The following PRKX variants were observed in gnomAD, a reference collection of about 807,000 sequenced individuals.
PRKX encodes protein kinase cAMP-dependent X-linked catalytic subunit.
A neutral mutation model predicts 22.0 loss-of-function variants in PRKX; 12 were observed. The ratio of observed to expected loss-of-function variants is 0.54; its 90% CI spans 0.35 to 0.88. The LOEUF (loss-of-function observed/expected upper bound fraction) is 0.88. Ranked by LOEUF, PRKX falls within the 40% of genes least tolerant of loss-of-function variation. The pLI is 0.01. For synonymous variants in PRKX, 134 were observed against 137.7 expected (o/e 0.97, Z 0.19); for missense variants, 217 against 308.0 (o/e 0.70, Z 2.21).
intron 6 of PRKX, among the ~76,000 whole-genome samples, chrX:3,620,536 C>T (rs12394149): frequency 0.051 from 5,714 of 112,136 alleles, 106 homozygotes; most frequent in South Asian, 0.07. Flanking sequence ...CGAAGCTTCA[C>T]CTGTACTGAC....
chrX:3,700,715 A>G (rs1465939132), intron 1 of PRKX, among the ~76,000 whole-genome samples: 2 of 109,037 alleles, frequency 1.8e-5, no homozygotes, highest in African/African-American at 3.4e-5. Flanking sequence ...AGTTGCTGGG[A>G]CTACAGGCAC....
intron 3 of PRKX, among the ~76,000 whole-genome samples, chrX:3,654,809 T>C (rs1170987035): frequency 1.8e-5 from 2 of 110,745 alleles, no homozygotes; most frequent in Non-Finnish European, 1.9e-5. Flanking sequence ...TTGTATCCTA[T>C]TCGATGCAGA....
intron 2 of PRKX, among the ~76,000 whole-genome samples, chrX:3,662,348 C>A: frequency 1.8e-5 from 2 of 110,841 alleles, no homozygotes; most frequent in Middle Eastern, 9.3e-3. Context: ...TCGCTTGAGC[C>A]CAGGAGCTCA....
intron 3 of PRKX, among the ~76,000 whole-genome samples, chrX:3,649,903 G>T (rs202069736): frequency 9.2e-6 from 1 of 108,877 alleles, no homozygotes; most frequent in East Asian, 2.9e-4. Flanking sequence ...ACTTTGGGGG[G>T]CCAAGGTTGG....
chrX:3,689,266 A>G (rs1432134594), intron 1 of PRKX, among the ~76,000 whole-genome samples: 1 of 113,054 alleles, frequency 8.8e-6, no homozygotes, highest in Non-Finnish European at 1.9e-5. Context: ...CATGGAGGAA[A>G]TAAGTGTGTG....
chrX:3,639,541 T>A (rs868279877), intron 4 of PRKX, among the ~76,000 whole-genome samples: 1 of 4,509 alleles, frequency 2.2e-4, no homozygotes, highest in Non-Finnish European at 4.0e-4. Context: ...GATGACGGGG[T>A]GGGTGGGTGG....
intron 1 of PRKX, among the ~76,000 whole-genome samples, chrX:3,691,076 C>T (rs1332189595): frequency 3.6e-5 from 4 of 111,682 alleles, no homozygotes; most frequent in Non-Finnish European, 7.5e-5. Flanking sequence ...TTAAGGTGAT[C>T]ACCAGCTCAG....
intron 1 of PRKX, among the ~76,000 whole-genome samples, chrX:3,687,847 T>C (rs996098807): frequency 8.9e-6 from 1 of 111,749 alleles, no homozygotes; most frequent in African/African-American, 3.3e-5. Flanking sequence ...GTGGCTCCGC[T>C]GAGACACCAA....
rs149938719 is a variant in PRKX, at chrX:3,653,297, C to T, written c.599+1852G>A. Among the ~76,000 whole-genome samples the T allele has an allele frequency of 2.9e-3, 324 of 110,182 alleles. 1 individual carries two copies. The highest frequency in any genetic ancestry group is 9.6e-3 in the African/African-American group (292 of 30,308). On this transcript the variant is annotated intron_variant, in intron 3 of 8. Transcript: ENST00000262848. ...GGACACAGCGAGAAGGCGCCGTCTA[C>T]GAACCAGGAAGCTGGTTCCCTCCAG...
chrX:3,638,876 T>C (rs1926957060), intron 4 of PRKX, among the ~76,000 whole-genome samples: 1 of 104,854 alleles, frequency 9.5e-6, no homozygotes, highest in Admixed American at 1.1e-4. Context: ...CATAGATAAA[T>C]AGGAAGTAGA....
chrX:3,650,914 A>G (rs1242736700), intron 3 of PRKX, among the ~76,000 whole-genome samples: 1 of 107,613 alleles, frequency 9.3e-6, no homozygotes, highest in African/African-American at 3.4e-5. Context: ...AAATTATTCA[A>G]GATGAGGCCT....
intron 4 of PRKX, among the ~76,000 whole-genome samples, chrX:3,627,253 G>A (rs1436517630): frequency 4.6e-5 from 5 of 109,105 alleles, no homozygotes; most frequent in African/African-American, 1.3e-4. Flanking sequence ...GTGGTGGCAC[G>A]CGTCCGTAAT....
chrX:3,701,022 A>C (rs1411977627), intron 1 of PRKX, among the ~76,000 whole-genome samples: 1 of 112,240 alleles, frequency 8.9e-6, no homozygotes, highest in Non-Finnish European at 1.9e-5. Context: ...TGTCCAGGGA[A>C]TATTTTGAGT....
chrX:3,627,254 C>T (rs1320474912), intron 4 of PRKX, among the ~76,000 whole-genome samples: 9 of 108,885 alleles, frequency 8.3e-5, no homozygotes, highest in African/African-American at 2.3e-4. Flanking sequence ...TGGTGGCACG[C>T]GTCCGTAATC....
intron 1 of PRKX, among the ~76,000 whole-genome samples, chrX:3,689,712 T>C (rs988003505): frequency 9.0e-6 from 1 of 111,717 alleles, no homozygotes; most frequent in Non-Finnish European, 1.9e-5. Flanking sequence ...GCGCGGTGGC[T>C]CACACCTGTA....
At chrX:3,633,735 C>G (rs1037682322) in intron 4 of PRKX, among the ~76,000 whole-genome samples, 1 of 111,164 alleles carries the variant, frequency 9.0e-6, no homozygotes, top group Non-Finnish European at 1.9e-5. Context: ...TCCTACTCAG[C>G]TGGAAAAACA....
At chrX:3,712,024 G>A (rs1328186912) in intron 1 of PRKX, among the ~76,000 whole-genome samples, 1 of 111,818 alleles carries the variant, frequency 8.9e-6, no homozygotes, top group Non-Finnish European at 1.9e-5. Context: ...ACTGAAGGAA[G>A]CTAAGTCCCC....
At chrX:3,656,499 T>C (rs754107534) in intron 2 of PRKX, among the ~76,000 whole-genome samples, 1 of 111,006 alleles carries the variant, frequency 9.0e-6, no homozygotes, top group South Asian at 3.9e-4. Flanking sequence ...TGGGTGGAAG[T>C]AGATGTTAAT....
At chrX:3,661,800 T>C (rs1927600830) in intron 2 of PRKX, among the ~76,000 whole-genome samples, 1 of 111,723 alleles carries the variant, frequency 9.0e-6, no homozygotes, top group African/African-American at 3.3e-5. Flanking sequence ...CTTAGAAAAT[T>C]AGAAACCAAT....
Sources: gnomAD v4.1 joint callset for allele counts (sites outside exome capture counted in the v4.1 genomes callset) on GRCh38, gnomAD v4.1.1 for gene constraint, MANE v1.5 for transcripts, NCBI Gene and HGNC (gene_info 2026-07-23, HGNC 2026-07-21) for gene names.